The following FLNB variants were observed in gnomAD, a reference collection of about 807,000 sequenced individuals.
FLNB encodes filamin-B.
In FLNB, 111 loss-of-function variants were observed where a neutral mutation model predicts 250.6. That is an observed-to-expected ratio of 0.44 (90% CI 0.38 to 0.52). The LOEUF is 0.52. Among genes scored for constraint, FLNB ranks in the 20% least tolerant of loss-of-function variants. FLNB has a pLI of 0.00. For missense variants in FLNB, 2,869 were observed against 3,447.8 expected (o/e 0.83, Z 4.20); for synonymous variants, 1,302 against 1,372.1 (o/e 0.95, Z 1.13).
intron 16 of FLNB, 108 bp from the exon 17 acceptor site, chr3:58,111,683 C>G: frequency 1.2e-6 from 1 of 805,904 alleles, no homozygotes; most frequent in Non-Finnish European, 2.2e-6. Flanking sequence ...AGTCTGCTCA[C>G]CACTCGCTAA....
At chr3:58,150,043 T>A (rs201159667) in intron 37 of FLNB, 41 bp downstream of exon 37, 8 of 1,614,276 alleles carry the variant, frequency 5.0e-6, no homozygotes, top group Non-Finnish European at 5.9e-6. Context: ...ATGCTTGGGT[T>A]TTCTGTAAAT....
Position 58,169,047 on chromosome 3 carries a change from A to C in FLNB, c.7417+389A>C, listed in dbSNP as rs2097376178. 3.3e-6 allele frequency: 1 copy of C among 307,656 alleles called. No individual in the cohort carries two copies. The highest frequency in any genetic ancestry group is 2.2e-5 in the African/African-American group (1 of 46,158). 19.1% of individuals were successfully genotyped at this position (307,656 alleles called of 1,614,324 possible). Reference sequence around the variant, plus strand: ...CTCCAAAACACTGGAAAAAATACCAAACTATGAAAACCACTTCACAGCCAC... The same window carrying C: ...CTCCAAAACACTGGAAAAAATACCACACTATGAAAACCACTTCACAGCCAC... On this transcript the variant is annotated intron_variant, in intron 44 of 45. Coordinates refer to ENST00000295956, the MANE Select transcript of FLNB (RefSeq NM_001457.4). This position sits in a 1 kb window ranked among gnomAD's most constrained non-coding sequence, Gnocchi z 4.8.
chr3:58,009,423 G>A (rs1380677018), intron 1 of FLNB, among the ~76,000 whole-genome samples: 1 of 152,190 alleles, frequency 6.6e-6, no homozygotes, highest in Non-Finnish European at 1.5e-5. Flanking sequence ...GGGCCCCGAG[G>A]TTGCAAGGGT....
intron 36 of FLNB, chr3:58,149,270 A>T (rs1400497468): frequency 3.6e-6 from 1 of 281,384 alleles, no homozygotes; most frequent in South Asian, 4.0e-5. Context: ...TCTCTTTGAG[A>T]TGGTTTGAGT....
intron 18 of FLNB, among the ~76,000 whole-genome samples, chr3:58,115,617 A>G (rs1490813523): frequency 6.6e-6 from 1 of 152,208 alleles, no homozygotes; most frequent in Non-Finnish European, 1.5e-5. Context: ...CCCCAAGGTC[A>G]CATTCATCCA....
chr3:58,103,265 G>GGTGTGT (rs10571409), intron 9 of FLNB, among the ~76,000 whole-genome samples: 2,277 of 148,142 alleles, frequency 0.015, 50 homozygotes, highest in East Asian at 0.051. Context: ...AGCCAAGGAG[G>GGTGTGT]GTGTGTGTGT....
At chr3:58,070,515 C>G (rs2097192625) in intron 1 of FLNB, among the ~76,000 whole-genome samples, 1 of 152,142 alleles carries the variant, frequency 6.6e-6, no homozygotes, top group South Asian at 2.1e-4. Flanking sequence ...AACCCCTCTA[C>G]CATGTAGCCT....
At chr3:58,048,437 T>C (rs934972317) in intron 1 of FLNB, among the ~76,000 whole-genome samples, 36 of 152,216 alleles carry the variant, frequency 2.4e-4, no homozygotes, top group African/African-American at 8.4e-4. Flanking sequence ...ATGTTCCACA[T>C]TCTAGGTCTG....
At chr3:58,030,989 G>A (rs75111254) in intron 1 of FLNB, among the ~76,000 whole-genome samples, 1 of 152,128 alleles carries the variant, frequency 6.6e-6, no homozygotes, top group Non-Finnish European at 1.5e-5. Flanking sequence ...ATTTCCATAT[G>A]CTATGATACC....
chr3:58,124,305 AGT>A (rs766569738), intron 21 of FLNB, 25 bp from the exon 22 acceptor site: 19 of 1,613,788 alleles, frequency 1.2e-5, no homozygotes, highest in Non-Finnish European at 1.5e-5. Context: ...TACTGGTGGC[AGT>A]GTTAGCTATG....
chr3:58,039,834 T>C (rs2097143530), intron 1 of FLNB, among the ~76,000 whole-genome samples: 1 of 151,972 alleles, frequency 6.6e-6, no homozygotes, highest in Non-Finnish European at 1.5e-5. Flanking sequence ...ACATCTCACG[T>C]TGTGAAGAGA....
chr3:58,102,887 A>G (rs557566358), intron 9 of FLNB, among the ~76,000 whole-genome samples: 1 of 152,218 alleles, frequency 6.6e-6, no homozygotes, highest in Non-Finnish European at 1.5e-5. Flanking sequence ...GTACAGGTTA[A>G]ACCCTGCAAC....
Position 58,150,003 on chromosome 3 carries a change from G to GT in FLNB, c.6244+2dup. Reference sequence around the variant, plus strand: ...AAATTCGCTGACGAGCACGTGCCTGGTATGTGCATTCCATTCCCCTCCAGG... The same window carrying GT: ...AAATTCGCTGACGAGCACGTGCCTGGTTATGTGCATTCCATTCCCCTCCAGG... On this transcript the variant is annotated splice_donor_variant, in intron 37 of 45. Transcript: ENST00000295956. LOFTEE classifies it high-confidence loss of function. 1 of 1,614,248 alleles carries GT rather than the reference G, an allele frequency of 6.2e-7. No homozygotes were observed. The highest frequency in any genetic ancestry group is 1.3e-5 in the African/African-American group (1 of 75,066).
intron 1 of FLNB, among the ~76,000 whole-genome samples, chr3:58,065,524 T>C (rs922882413): frequency 6.6e-6 from 1 of 152,224 alleles, no homozygotes; most frequent in Non-Finnish European, 1.5e-5. Context: ...AAAATGGGAT[T>C]AACCCTAAAA....
At chr3:58,120,322 A>T (rs1396411242) in intron 19 of FLNB, among the ~76,000 whole-genome samples, 1 of 152,254 alleles carries the variant, frequency 6.6e-6, no homozygotes, top group African/African-American at 2.4e-5. Context: ...TGACTCCAGA[A>T]CAGGAAAAGC....
rs373306174 is a variant in FLNB at position 58,016,904 on chromosome 3, A to G, written c.292+8048A>G. 3.0e-3 allele frequency among the ~76,000 whole-genome samples: 457 copies of G among 152,340 alleles called. 2 individuals are homozygous for G. The highest frequency in any genetic ancestry group is 0.01 in the African/African-American group (430 of 41,590). ...CAGTTGCTTTTCATGACATTCTACT[A>G]GAAGCCATCTTACATTACTGTTGTA... On this transcript the variant is annotated intron_variant, in intron 1 of 45. Transcript: ENST00000295956.
intron 22 of FLNB, among the ~76,000 whole-genome samples, chr3:58,125,172 G>T (rs2097295615): frequency 6.6e-6 from 1 of 152,142 alleles, no homozygotes; most frequent in Non-Finnish European, 1.5e-5. Flanking sequence ...TCACTCTGTT[G>T]CCCAGGCTGG....
At chr3:58,053,042 T>TGCAAGGTATAG (rs2097164935) in intron 1 of FLNB, among the ~76,000 whole-genome samples, 2 of 152,218 alleles carry the variant, frequency 1.3e-5, no homozygotes, top group Non-Finnish European at 2.9e-5. Context: ...CAGCCCATTT[T>TGCAAGGTATAG]ACAGATGAGG....
At position 58,081,615 on chromosome 3, in the gene FLNB, T is replaced by A. The variant is rs1167987965; in HGVS notation, c.640-14T>A. ...ATGTGTTCTGGGTGTTCATCCACCATGTCATTATCCTAGGTCATCACTCCT... is the reference window on the plus strand; with the variant it reads ...ATGTGTTCTGGGTGTTCATCCACCAAGTCATTATCCTAGGTCATCACTCCT... On this transcript the variant is annotated splice_polypyrimidine_tract_variant and intron_variant, in intron 3 of 45. Transcript: ENST00000295956. The A allele has an allele frequency of 2.5e-6, 4 of 1,613,700 alleles. No individual in the cohort carries two copies. The South Asian group carries it at 3.3e-5, about 13-fold the overall frequency.
Sources: allele counts gnomAD v4.1 joint callset (sites outside exome capture counted in the v4.1 genomes callset), GRCh38; gene constraint gnomAD v4.1.1; non-coding constraint Gnocchi (gnomAD v3.1); transcripts MANE v1.5; gene names NCBI Gene and HGNC (gene_info 2026-07-23, HGNC 2026-07-21).